IGHMBP2: variants seen among roughly 807,000 people sequenced by gnomAD.
IGHMBP2 encodes immunoglobulin mu DNA binding protein 2, also known as DNA-binding protein SMUBP-2.
Under a neutral mutation model 96.0 loss-of-function variants are expected in IGHMBP2, and 81 were observed. The observed-to-expected ratio is 0.84, with a 90% CI of 0.71 to 1.01. IGHMBP2 has a LOEUF of 1.01. Among genes scored for constraint, IGHMBP2 ranks in the 50% least tolerant of loss-of-function variants. The probability of loss-of-function intolerance (pLI) is 0.00; values close to 1 mark genes in which losing one functional copy is unlikely to be tolerated. For synonymous variants in IGHMBP2, 557 were observed against 548.9 expected (o/e 1.01, Z -0.21); for missense variants, 1,227 against 1,306.3 (o/e 0.94, Z 0.94).
intron 5 of IGHMBP2, among the ~76,000 whole-genome samples, chr11:68,912,857 T>C (rs1029213997): frequency 6.6e-6 from 1 of 150,868 alleles, no homozygotes; most frequent in Non-Finnish European, 1.5e-5. Flanking sequence ...CTGGCTAACA[T>C]GGTGAAACCC....
At chr11:68,936,089 G>A (rs1488168899) in intron 12 of IGHMBP2, 148 bp from the exon 13 acceptor site, 20 of 853,452 alleles carry the variant, frequency 2.3e-5, no homozygotes, top group Middle Eastern at 3.1e-4. Flanking sequence ...GTGGCATCAC[G>A]GTGCCACGCG....
rs1490141497 is a variant in IGHMBP2, at chr11:68,934,193, C to T, written c.1538-271C>T. ...GGTCTGGTGATGGGAACTGTCATTG[C>T]TCAGCTGACACCACCATCTCCCCAG... On this transcript the variant is annotated intron_variant, in intron 10 of 14. Coordinates refer to ENST00000255078, the MANE Select transcript of IGHMBP2 (RefSeq NM_002180.3). 6 of 613,740 alleles carry T rather than the reference C, an allele frequency of 9.8e-6. No homozygotes were observed. The Admixed American group carries it at 1.5e-4, about 15-fold the overall frequency. 38.0% of individuals were successfully genotyped at this position (613,740 alleles called of 1,614,324 possible).
At chr11:68,935,234 AAGGGC>A in intron 11 of IGHMBP2, 60 bp from the exon 12 acceptor site, 1 of 1,601,836 alleles carries the variant, frequency 6.2e-7, no homozygotes, top group Non-Finnish European at 8.5e-7. Context: ...TGCTGAGCTG[AAGGGC>A]AGGGTCTTGC....
At chr11:68,915,281 G>A (rs1858616860) in intron 6 of IGHMBP2, among the ~76,000 whole-genome samples, 1 of 142,066 alleles carries the variant, frequency 7.0e-6, no homozygotes, top group South Asian at 2.3e-4. Flanking sequence ...CTGGGTTCAA[G>A]CGATTCTCCT....
intron 2 of IGHMBP2, 38 bp from the exon 3 acceptor site, chr11:68,908,107 C>T (rs750271266): frequency 3.3e-6 from 5 of 1,507,182 alleles, no homozygotes; most frequent in Middle Eastern, 1.8e-4. Flanking sequence ...TTGAAGCTTT[C>T]CCCAGTGTCT....
intron 5 of IGHMBP2, among the ~76,000 whole-genome samples, chr11:68,913,868 T>C (rs1423858298): frequency 6.6e-6 from 1 of 151,720 alleles, no homozygotes; most frequent in African/African-American, 2.4e-5. Flanking sequence ...ACACCAGGAG[T>C]GTGGTCTAGG....
chr11:68,913,689 G>C (rs918380739), intron 5 of IGHMBP2, among the ~76,000 whole-genome samples: 3 of 152,078 alleles, frequency 2.0e-5, no homozygotes, highest in Admixed American at 6.5e-5. Context: ...GAGGCCAAGG[G>C]GGGAGGATCA....
rs1566427345 is a variant in IGHMBP2 at position 68,911,545 on chromosome 11, C to A, written c.653C>A (p.Thr218Asn). ...ELAIIHGPPG[T>N]GKTTTVVEII... is the part of the protein sequence containing the mutation. ...GCCATCATCCATGGACCTCCTGGCACTGGGAAAACCACGACTGTGGTTGAG... is the reference window on the plus strand; with the variant it reads ...GCCATCATCCATGGACCTCCTGGCAATGGGAAAACCACGACTGTGGTTGAG... Residue 218 changes from threonine (T) to asparagine (N), a missense_variant, in exon 5 of 15, where the codon ACT (threonine) becomes AAT (asparagine). Physicochemically the swap from Thr to Asn is moderately conservative, Grantham distance 65 (BLOSUM62 0). Coordinates refer to ENST00000255078, the MANE Select transcript of IGHMBP2 (RefSeq NM_002180.3). The A allele has an allele frequency of 1.9e-6, 3 of 1,614,068 alleles. No homozygotes were observed. The highest frequency in any genetic ancestry group is 2.7e-5 in the African/African-American group (2 of 74,930).
chr11:68,911,335 T>C, intron 4 of IGHMBP2, 105 bp from the exon 5 acceptor site: 1 of 1,177,110 alleles, frequency 8.5e-7, no homozygotes. Context: ...GTCCGGCGTG[T>C]TCCTGACAGG....
At chr11:68,904,803 C>CTTTTTTTTTTT (rs1555241972) in intron 1 of IGHMBP2, among the ~76,000 whole-genome samples, 8 of 120,992 alleles carry the variant, frequency 6.6e-5, no homozygotes, top group Admixed American at 1.8e-4. Flanking sequence ...TTTTCTTTTT[C>CTTTTTTTTTTT]TTTTTTTTTT....
At chr11:68,938,699 G>A (rs571043299) in intron 14 of IGHMBP2, among the ~76,000 whole-genome samples, 1 of 152,248 alleles carries the variant, frequency 6.6e-6, no homozygotes, top group African/African-American at 2.4e-5. Context: ...ATCTGAGCTG[G>A]CCATGGCCCG....
chr11:68,933,593 C>T, intron 9 of IGHMBP2, 112 bp downstream of exon 9: 1 of 1,350,388 alleles, frequency 7.4e-7, no homozygotes, highest in East Asian at 2.5e-5. Flanking sequence ...AAAGTCGACT[C>T]TGAGGCTAGC....
intron 4 of IGHMBP2, among the ~76,000 whole-genome samples, chr11:68,911,017 C>T (rs963654583): frequency 6.6e-6 from 1 of 151,976 alleles, no homozygotes; most frequent in Non-Finnish European, 1.5e-5. Context: ...TAAAGAGGGA[C>T]ATTATGTTAG....
chr11:68,934,253 CA>C, intron 10 of IGHMBP2: 1 of 652,638 alleles, frequency 1.5e-6, no homozygotes. Context: ...CCATAGGAGT[CA>C]AAAGGCCTTC....
At chr11:68,904,803 C>CTTTTCTTTTCT (rs892709461) in intron 1 of IGHMBP2, among the ~76,000 whole-genome samples, 48 of 120,988 alleles carry the variant, frequency 4.0e-4, no homozygotes, top group East Asian at 9.0e-4. Flanking sequence ...TTTTCTTTTT[C>CTTTTCTTTTCT]TTTTTTTTTT....
intron 14 of IGHMBP2, 96 bp downstream of exon 14, chr11:68,938,450 A>G (rs898598126): frequency 9.9e-6 from 11 of 1,113,430 alleles, no homozygotes; most frequent in Non-Finnish European, 1.3e-5. Context: ...TCCAGTCGGA[A>G]CAGTTAGCTC....
rs145631247 is a variant in IGHMBP2, at chr11:68,939,630, C to T, written c.2881C>T (p.Leu961=). The T allele has an allele frequency of 2.0e-4, 325 of 1,613,440 alleles. 1 individual carries two copies. The highest frequency in any genetic ancestry group is 2.7e-4 in the Non-Finnish European group (316 of 1,179,990). ...YAGSGTKNGS[L]DPAKRAQLQR... ...CGGCAGCGGGACCAAGAACGGATCC[C>T]TGGACCCAGCCAAGAGGGCCCAGCT... Residue 961 remains leucine (L), a synonymous_variant, in exon 15 of 15, where the codon CTG becomes TTG. Coordinates refer to ENST00000255078, the MANE Select transcript of IGHMBP2 (RefSeq NM_002180.3).
chr11:68,933,760 C>T (rs1275199756), intron 9 of IGHMBP2, 35 bp from the exon 10 acceptor site: 6 of 1,521,484 alleles, frequency 3.9e-6, no homozygotes, highest in Non-Finnish European at 5.5e-6. Flanking sequence ...TGCACTGTGG[C>T]CCCCTGATGT....
chr11:68,910,379 C>T (rs1186817664), intron 4 of IGHMBP2, among the ~76,000 whole-genome samples: 2 of 152,200 alleles, frequency 1.3e-5, no homozygotes, highest in East Asian at 3.8e-4. Flanking sequence ...GGCTAGAGCA[C>T]GGGAACGTGG....
Sources: gnomAD v4.1 joint callset for allele counts (sites outside exome capture counted in the v4.1 genomes callset) on GRCh38, gnomAD v4.1.1 for gene constraint, MANE v1.5 for transcripts, NCBI Gene and HGNC (gene_info 2026-07-23, HGNC 2026-07-21) for gene names.